The following VWF variants were observed in gnomAD, a reference collection of about 807,000 sequenced individuals.
VWF encodes Factor VIII related antigen.
Under a neutral mutation model 308.6 loss-of-function variants are expected in VWF, and 176 were observed. The observed-to-expected ratio is 0.57, with a 90% CI of 0.50 to 0.65. The LOEUF is 0.65. Among genes scored for constraint, VWF ranks in the 30% least tolerant of loss-of-function variants. VWF has a pLI of 0.00. For synonymous variants in VWF, 1,385 were observed against 1,443.4 expected (o/e 0.96, Z 0.92); for missense variants, 3,146 against 3,648.2 (o/e 0.86, Z 3.55).
At chr12:5,973,587 G>C (rs1943501181) in intron 43 of VWF, among the ~76,000 whole-genome samples, 1 of 152,176 alleles carries the variant, frequency 6.6e-6, no homozygotes, top group African/African-American at 2.4e-5. Context: ...AACAGGACGA[G>C]CTCTGGGCTC....
Position 6,025,654 on chromosome 12 carries a change from T to G in VWF, c.3148A>C (p.Ile1050Leu). The G allele has an allele frequency of 6.3e-7, 1 of 1,578,770 alleles. No individual in the cohort carries two copies. The highest frequency in any genetic ancestry group is 8.7e-7 in the Non-Finnish European group (1 of 1,150,436). The stretch of plus-strand genomic sequence containing the variant: ...GAATCCACCATCGTCTGCTTCATGA[T>G]GTTGTTATGGCAGGTGGCAGGGGAT... ...DSSPATCHNN[I>L]MKQTMVDSSC... is the part of the protein sequence containing the mutation. Residue 1050 changes from isoleucine to leucine, a missense_variant, in exon 24 of 52, where the codon ATC becomes CTC. Transcript: ENST00000261405.
intron 15 of VWF, among the ~76,000 whole-genome samples, chr12:6,055,658 C>T (rs1413381810): frequency 6.6e-6 from 1 of 151,924 alleles, no homozygotes; most frequent in Non-Finnish European, 1.5e-5. Flanking sequence ...TTCTAGGGTC[C>T]CCATGCCTAC....
chr12:6,014,099 G>A (rs985824537), intron 31 of VWF, among the ~76,000 whole-genome samples: 2 of 152,032 alleles, frequency 1.3e-5, no homozygotes, highest in Non-Finnish European at 2.9e-5. Context: ...AGGATGGAAG[G>A]AGCCAAGAGG....
At chr12:6,014,908 A>T (rs1287173730) in intron 31 of VWF, among the ~76,000 whole-genome samples, 1 of 152,196 alleles carries the variant, frequency 6.6e-6, no homozygotes, top group Non-Finnish European at 1.5e-5. Flanking sequence ...CTGCTTCAAG[A>T]CCACAACTGC....
At chr12:6,118,439 G>A (rs1017974121) in intron 3 of VWF, among the ~76,000 whole-genome samples, 6 of 134,324 alleles carry the variant, frequency 4.5e-5, no homozygotes, top group East Asian at 4.6e-4. Flanking sequence ...CCAGGCTGGA[G>A]TGCAATGGCG....
chr12:5,965,926 A>C (rs1211606212), intron 47 of VWF, among the ~76,000 whole-genome samples: 3 of 152,244 alleles, frequency 2.0e-5, no homozygotes, highest in African/African-American at 7.2e-5. Flanking sequence ...ATTCTGGAGA[A>C]AAAGAAGAAG....
chr12:6,084,091 G>A (rs1422774609), intron 6 of VWF, among the ~76,000 whole-genome samples: 1 of 152,204 alleles, frequency 6.6e-6, no homozygotes. Flanking sequence ...TATAAGTCCT[G>A]TCACTCACAG....
At chr12:6,048,529 C>G (rs1283623478) in intron 16 of VWF, among the ~76,000 whole-genome samples, 1 of 151,420 alleles carries the variant, frequency 6.6e-6, no homozygotes, top group Non-Finnish European at 1.5e-5. Flanking sequence ...GCGGCATGAT[C>G]TCAGCTCACT....
intron 38 of VWF, among the ~76,000 whole-genome samples, chr12:5,988,461 T>C (rs1036166623): frequency 2.0e-5 from 3 of 152,136 alleles, no homozygotes; most frequent in Admixed American, 6.5e-5. Flanking sequence ...TCTGTATATG[T>C]TTCAGTGTTC....
chr12:6,019,828 A>G lies in VWF; in HGVS notation c.3675-85T>C. On this transcript the variant is annotated intron_variant, in intron 27 of 51. Transcript: ENST00000261405. This position sits in a 1 kb window ranked among gnomAD's most constrained non-coding sequence, Gnocchi z 5.8. ...CCCTACAGTGTACAATGACTTCCAT[A>G]TTCCCACAGAATCTCCTCTGTTCCA... is the stretch of plus-strand genomic sequence containing the variant. 1.4e-6 allele frequency: 2 copies of G among 1,413,110 alleles called. No homozygotes were observed. The highest frequency in any genetic ancestry group is 2.5e-5 in the South Asian group (2 of 81,012). The allele number at this position is 1,413,110 out of a possible 1,614,324, so 87.5% of individuals were successfully genotyped here. A position where few individuals can be genotyped will look rare whatever the true frequency, so the allele number is the denominator to read the frequency against.
At chr12:6,108,936 G>A (rs1462378593) in intron 5 of VWF, among the ~76,000 whole-genome samples, 24 of 148,752 alleles carry the variant, frequency 1.6e-4, no homozygotes, top group East Asian at 4.0e-4. Flanking sequence ...AGCCGAGATC[G>A]CGCCACTGCA....
chr12:5,969,037 T>C (rs942005682), intron 45 of VWF, among the ~76,000 whole-genome samples, 174 bp downstream of exon 45: 8 of 152,154 alleles, frequency 5.3e-5, no homozygotes, highest in Admixed American at 3.3e-4. Context: ...GAAATTCCTA[T>C]GGTTTTCCCA....
chr12:6,121,240 T>C lies in VWF; in HGVS notation c.154A>G (p.Ser52Gly). Residue 52 changes from serine (S) to glycine (G), a missense_variant, in exon 3 of 52, where the codon AGC (serine) becomes GGC (glycine). Physicochemically the swap from Ser to Gly is moderately conservative, Grantham distance 56. Around this residue, in one of 3 missense-constraint regions of VWF, gnomAD observed 1,304 missense variants for 1,353.0 expected, o/e 0.96. Coordinates refer to ENST00000261405, the MANE Select transcript of VWF (RefSeq NM_000552.5). Reference protein sequence around the residue: ...FVNTFDGSMYSFAGYCSYLLA... With the variant: ...FVNTFDGSMYGFAGYCSYLLA... ...AGGTAACTGCAGTATCCCGCAAAGC[T>C]GTACATGCTCCCATCAAAGGTGTTG... is the stretch of plus-strand genomic sequence containing the variant. 4 of 1,614,208 alleles carry C rather than the reference T, an allele frequency of 2.5e-6. No individual in the cohort carries two copies. The highest frequency in any genetic ancestry group is 2.2e-5 in the East Asian group (1 of 44,878).
At position 6,058,050 on chromosome 12, in the gene VWF, G is replaced by T. The variant is rs1591890889; in HGVS notation, c.1534-6C>A. Reference sequence around the variant, plus strand: ...CCGGCATAGACGGGGGACAGCTGCAGGAGAGACCAGGCCACTCTGGAGCCG... The same window carrying T: ...CCGGCATAGACGGGGGACAGCTGCATGAGAGACCAGGCCACTCTGGAGCCG... On this transcript the variant is annotated splice_region_variant and splice_polypyrimidine_tract_variant and intron_variant, in intron 13 of 51. Coordinates refer to ENST00000261405, the MANE Select transcript of VWF (RefSeq NM_000552.5). The surrounding 1 kb of genome is among the most constrained non-coding windows in gnomAD (Gnocchi z 4.9). 1 of 1,612,852 alleles carries T rather than the reference G, an allele frequency of 6.2e-7. No individual in the cohort carries two copies. The highest frequency in any genetic ancestry group is 8.5e-7 in the Non-Finnish European group (1 of 1,180,024).
intron 38 of VWF, among the ~76,000 whole-genome samples, chr12:5,986,399 C>T (rs2079529674): frequency 6.6e-6 from 1 of 152,242 alleles, no homozygotes; most frequent in Non-Finnish European, 1.5e-5. Flanking sequence ...AGAGCCAGGA[C>T]TCAGTCTCCC....
chr12:5,952,525 A>T lies in VWF; in HGVS notation c.7987-6T>A. ...TCCTGGAGCGTCTCATCACGCTGGA[A>T]GGAAAGAGGAGTGGGTAAAGTCAGA... is the stretch of plus-strand genomic sequence containing the variant. On this transcript the variant is annotated splice_region_variant and splice_polypyrimidine_tract_variant and intron_variant, in intron 48 of 51. Coordinates refer to ENST00000261405, the MANE Select transcript of VWF (RefSeq NM_000552.5). The T allele has an allele frequency of 6.2e-7, 1 of 1,613,286 alleles. No homozygotes were observed.
At chr12:6,118,326 G>A (rs962961922) in intron 3 of VWF, among the ~76,000 whole-genome samples, 10 of 140,782 alleles carry the variant, frequency 7.1e-5, no homozygotes, top group Admixed American at 5.2e-4. Flanking sequence ...CAATCCACCC[G>A]CCCCCACCCC....
chr12:5,964,330 C>T (rs1222880406), intron 47 of VWF, among the ~76,000 whole-genome samples: 1 of 137,504 alleles, frequency 7.3e-6, no homozygotes, highest in Non-Finnish European at 1.6e-5. Context: ...TCTACTGTCT[C>T]ATCATTCCCT....
In VWF at chr12:6,103,545, TACACACACACACACACACACAC is replaced by T. The variant is rs139889348; in HGVS notation, c.532+6807_532+6828del. Among the ~76,000 whole-genome samples, 301 of 124,202 alleles carry T rather than the reference TACACACACACACACACACACAC, an allele frequency of 2.4e-3. 36 individuals carry two copies. Among genetic ancestry groups the T allele is most frequent in the African/African-American group, 0.01 (287 of 28,644 alleles). 81.5% of individuals were successfully genotyped at this position (124,202 alleles called of 152,430 possible). A position where few individuals can be genotyped will look rare whatever the true frequency, so the allele number is the denominator to read the frequency against. On this transcript the variant is annotated intron_variant, in intron 5 of 51. Coordinates refer to ENST00000261405, the MANE Select transcript of VWF (RefSeq NM_000552.5). ...ATATGTGTATATACACATATATGTATACACACACACACACACACACACACACACACACACACACAGATCAATG... is the reference window on the plus strand; with the variant it reads ...ATATGTGTATATACACATATATGTATACACACACACACACACAGATCAATG...
Sources: gnomAD v4.1 joint callset for allele counts (sites outside exome capture counted in the v4.1 genomes callset) on GRCh38, gnomAD v4.1.1 for gene constraint, gnomAD v4.1.1 regional missense constraint, Gnocchi (gnomAD v3.1) non-coding constraint, MANE v1.5 for transcripts, NCBI Gene and HGNC (gene_info 2026-07-23, HGNC 2026-07-21) for gene names.